Variants in DYNC1I1 observed in about 807,000 individuals in gnomAD.
DYNC1I1 encodes dynein cytoplasmic 1 intermediate chain 1.
DYNC1I1 carries 43 observed loss-of-function variants against 86.6 expected under a neutral mutation model. The observed-to-expected ratio is 0.50, with a 90% CI of 0.39 to 0.64. The LOEUF is 0.64. DYNC1I1 is among the 30% of genes least tolerant of loss of function. The pLI, the probability that DYNC1I1 is intolerant of heterozygous loss-of-function variation, is 0.00. For missense variants in DYNC1I1, 604 were observed against 788.8 expected, an observed-to-expected ratio of 0.77 and a Z score of 2.81; for synonymous variants, 262 against 283.7, an observed-to-expected ratio of 0.92 and a Z score of 0.77.
Position 95,810,428 on chromosome 7 carries a change from G to C in DYNC1I1, c.145G>C (p.Asp49His). 2 of 1,612,752 alleles carry C rather than the reference G, an allele frequency of 1.2e-6. No homozygotes were observed. The highest frequency in any genetic ancestry group is 1.7e-6 in the Non-Finnish European group (2 of 1,179,256). Residue 49 changes from aspartate (D) to histidine (H), a missense_variant, in exon 3 of 17, where the codon GAC (aspartate) becomes CAC (histidine). Physicochemically the swap from Asp to His is moderately conservative, Grantham distance 81. Transcript: ENST00000447467. ...MQQKKEPVQD[D>H]SDLDRKRRET... is the part of the protein sequence containing the mutation. The stretch of plus-strand genomic sequence containing the variant: ...GCAGAAGAAAGAACCCGTTCAGGAC[G>C]ACTCTGATCTGGATCGCAAACGACG...
intron 16 of DYNC1I1, among the ~76,000 whole-genome samples, chr7:96,082,626 C>T (rs1790558869): frequency 1.3e-5 from 2 of 152,190 alleles, no homozygotes; most frequent in Non-Finnish European, 2.9e-5. Context: ...TATATATATA[C>T]ACACTATATA....
chr7:95,911,350 G>A (rs779945705), intron 6 of DYNC1I1, among the ~76,000 whole-genome samples: 23 of 152,164 alleles, frequency 1.5e-4, no homozygotes, highest in Non-Finnish European at 2.8e-4. Context: ...CTGAGAATGA[G>A]GCAGATTATT....
chr7:95,856,372 T>C (rs1205058342), intron 5 of DYNC1I1, among the ~76,000 whole-genome samples: 1 of 152,258 alleles, frequency 6.6e-6, no homozygotes, highest in Admixed American at 6.5e-5. Flanking sequence ...GCTGAGGCTC[T>C]TCATTAGAAA....
At chr7:95,900,206 G>T (rs1201095060) in intron 6 of DYNC1I1, among the ~76,000 whole-genome samples, 1 of 152,122 alleles carries the variant, frequency 6.6e-6, no homozygotes, top group African/African-American at 2.4e-5. Context: ...CCACTGGAAA[G>T]GAATCCTAGC....
intron 10 of DYNC1I1, among the ~76,000 whole-genome samples, chr7:96,016,661 T>C (rs1156876597): frequency 6.6e-6 from 1 of 152,142 alleles, no homozygotes; most frequent in African/African-American, 2.4e-5. Context: ...TCTCTTGGAT[T>C]CTGTAGCTGA....
At chr7:96,065,765 A>G (rs1289537434) in intron 14 of DYNC1I1, among the ~76,000 whole-genome samples, 1 of 151,862 alleles carries the variant, frequency 6.6e-6, no homozygotes, top group African/African-American at 2.4e-5. Flanking sequence ...CTCTCTTTCA[A>G]CTTCAGACCT....
intron 6 of DYNC1I1, among the ~76,000 whole-genome samples, chr7:95,916,641 A>G (rs540940944): frequency 6.6e-6 from 1 of 152,238 alleles, no homozygotes; most frequent in Non-Finnish European, 1.5e-5. Context: ...TCTGACCTTT[A>G]TTATGTGACC....
intron 15 of DYNC1I1, 141 bp from the exon 16 acceptor site, chr7:96,080,222 T>C: frequency 1.9e-6 from 2 of 1,077,018 alleles, no homozygotes; most frequent in Non-Finnish European, 2.5e-6. Context: ...GAGCCCTTTT[T>C]CCCCCCGGCA....
intron 6 of DYNC1I1, among the ~76,000 whole-genome samples, chr7:95,873,116 A>C (rs940446997): frequency 6.6e-6 from 1 of 152,194 alleles, no homozygotes; most frequent in Non-Finnish European, 1.5e-5. Flanking sequence ...CCTGGTACAT[A>C]ATCATAGTTT....
intron 5 of DYNC1I1, among the ~76,000 whole-genome samples, chr7:95,833,374 C>T (rs1308521550): frequency 6.7e-5 from 10 of 150,132 alleles, no homozygotes; most frequent in Non-Finnish European, 1.2e-4. Flanking sequence ...TTACTGTAGC[C>T]TTGTAGTATA....
intron 5 of DYNC1I1, among the ~76,000 whole-genome samples, chr7:95,855,658 C>T (rs1248355703): frequency 2.0e-5 from 3 of 152,140 alleles, no homozygotes; most frequent in Non-Finnish European, 4.4e-5. Flanking sequence ...TAAGGTATAG[C>T]CTATTGCTCT....
Position 95,976,225 on chromosome 7 carries a change from C to T in DYNC1I1, c.491-1287C>T, listed in dbSNP as rs557584046. ...GGTTATAAAGTAGTGAGCTTGGCTC[C>T]ACAGTCTACCTGCATGCCTATAGAG... On this transcript the variant is annotated intron_variant, in intron 6 of 16. Coordinates refer to ENST00000447467, the MANE Select transcript of DYNC1I1 (RefSeq NM_001135556.2). Among the ~76,000 whole-genome samples, 10 of 152,240 alleles carry T rather than the reference C, an allele frequency of 6.6e-5. No individual in the cohort carries two copies. The South Asian group carries it at 2.1e-3, about 32-fold the overall frequency.
chr7:95,986,748 G>C (rs1423856836), intron 8 of DYNC1I1, among the ~76,000 whole-genome samples: 1 of 151,926 alleles, frequency 6.6e-6, no homozygotes, highest in Non-Finnish European at 1.5e-5. Context: ...GAGCCTTTCA[G>C]GGAGAGGCTC....
At chr7:95,823,203 A>C (rs1300624415) in intron 4 of DYNC1I1, among the ~76,000 whole-genome samples, 1 of 152,064 alleles carries the variant, frequency 6.6e-6, no homozygotes, top group African/African-American at 2.4e-5. Flanking sequence ...CTAAGCACTG[A>C]GGAAAATGAA....
At chr7:95,869,048 A>C (rs1416810612) in intron 5 of DYNC1I1, among the ~76,000 whole-genome samples, 3 of 152,174 alleles carry the variant, frequency 2.0e-5, no homozygotes, top group Admixed American at 6.5e-5. Context: ...CAAGACTCAT[A>C]ACCTTTCTTC....
At chr7:95,877,705 A>C (rs930737099) in intron 6 of DYNC1I1, among the ~76,000 whole-genome samples, 10 of 152,246 alleles carry the variant, frequency 6.6e-5, no homozygotes, top group Admixed American at 1.3e-4. Flanking sequence ...GAACCAGGAA[A>C]ACAGACAGCT....
chr7:95,945,640 T>C (rs1382839748), intron 6 of DYNC1I1, among the ~76,000 whole-genome samples: 4 of 152,186 alleles, frequency 2.6e-5, no homozygotes, highest in African/African-American at 9.7e-5. Flanking sequence ...AGCATTCACT[T>C]TTTTAGCATT....
At chr7:96,052,109 C>G (rs1789420509) in intron 14 of DYNC1I1, among the ~76,000 whole-genome samples, 1 of 152,006 alleles carries the variant, frequency 6.6e-6, no homozygotes, top group Non-Finnish European at 1.5e-5. Flanking sequence ...CTGGTAGGCA[C>G]TGAGTAAATC....
chr7:96,090,598 G>A (rs1219594102), intron 16 of DYNC1I1, among the ~76,000 whole-genome samples: 1 of 151,946 alleles, frequency 6.6e-6, no homozygotes, highest in African/African-American at 2.4e-5. Context: ...TTGGCAGAGA[G>A]GTCTGAAGCT....
Sources: allele counts gnomAD v4.1 joint callset (sites outside exome capture counted in the v4.1 genomes callset), GRCh38; gene constraint gnomAD v4.1.1; transcripts MANE v1.5; gene names NCBI Gene and HGNC (gene_info 2026-07-23, HGNC 2026-07-21).